Variants in APBA1 observed in about 807,000 individuals in gnomAD.
The protein encoded by APBA1 is amyloid beta precursor protein binding family A member 1.
APBA1 carries 55 observed loss-of-function variants against 86.6 expected under a neutral mutation model. The ratio of observed to expected loss-of-function variants is 0.64; its 90% CI spans 0.51 to 0.80. The LOEUF (loss-of-function observed/expected upper bound fraction) is 0.80. APBA1 is among the 30% of genes least tolerant of loss of function. The pLI is 0.00. For synonymous variants in APBA1, 511 were observed against 493.9 expected (o/e 1.03, Z -0.46); for missense variants, 1,090 against 1,183.0 (o/e 0.92, Z 1.15).
At chr9:69,617,296 T>C (rs1417842723) in intron 1 of APBA1, among the ~76,000 whole-genome samples, 3 of 152,032 alleles carry the variant, frequency 2.0e-5, no homozygotes, top group African/African-American at 4.8e-5. Context: ...TTTTAGAGAG[T>C]ATACCTCTCT....
chr9:69,504,882 G>C (rs1284715521), intron 2 of APBA1, among the ~76,000 whole-genome samples: 2 of 151,988 alleles, frequency 1.3e-5, no homozygotes, highest in African/African-American at 2.4e-5. Flanking sequence ...TTCATGCATT[G>C]GAGAAGGCAT....
At chr9:69,495,323 C>T (rs1187428488) in intron 2 of APBA1, among the ~76,000 whole-genome samples, 1 of 152,098 alleles carries the variant, frequency 6.6e-6, no homozygotes, top group East Asian at 1.9e-4. Flanking sequence ...ATTTTGAAGC[C>T]TAGGATCCAC....
chr9:69,453,110 T>C (rs1326204146), intron 8 of APBA1, among the ~76,000 whole-genome samples: 1 of 152,252 alleles, frequency 6.6e-6, no homozygotes, highest in Admixed American at 6.5e-5. Flanking sequence ...ATACATATTG[T>C]AATATGGTTT....
At chr9:69,451,990 G>A (rs951123511) in intron 9 of APBA1, 132 bp downstream of exon 9, 9 of 844,124 alleles carry the variant, frequency 1.1e-5, no homozygotes, top group South Asian at 6.5e-5. Flanking sequence ...GGGGGTGAAC[G>A]ACTTCATGAT....
chr9:69,484,495 T>C (rs1357940057), intron 2 of APBA1, among the ~76,000 whole-genome samples: 1 of 152,174 alleles, frequency 6.6e-6, no homozygotes, highest in Non-Finnish European at 1.5e-5. Flanking sequence ...TTGAGCTCAT[T>C]CGAGTTTCCT....
chr9:69,443,296 GACT>G (rs1834855617), intron 10 of APBA1, among the ~76,000 whole-genome samples: 1 of 152,204 alleles, frequency 6.6e-6, no homozygotes, highest in African/African-American at 2.4e-5. Flanking sequence ...AACTGTTGTG[GACT>G]ACTACTGCAG....
intron 1 of APBA1, among the ~76,000 whole-genome samples, chr9:69,608,758 T>C (rs2026150): frequency 0.54 from 81,821 of 151,988 alleles, 24,543 homozygotes; most frequent in East Asian, 0.85. Flanking sequence ...TACTGAGAAG[T>C]TGGTTTTGGT....
At chr9:69,436,684 G>T (rs1276782292) in intron 11 of APBA1, among the ~76,000 whole-genome samples, 2 of 151,582 alleles carry the variant, frequency 1.3e-5, no homozygotes, top group African/African-American at 4.9e-5. Context: ...GGCTGAGACA[G>T]TGGGGTTTTC....
rs570568545 is a variant in APBA1, at chr9:69,431,005, G to A, written c.*322C>T. On this transcript the variant is annotated 3_prime_UTR_variant, in exon 13 of 13. Transcript: ENST00000265381. ...AAGTCTGCACCTCCTGGGAAGGGAG[G>A]ATTCTCCCTCAAGCAGTGACAGCCC... 3.7e-6 allele frequency: 1 copy of A among 269,984 alleles called. No homozygotes were observed. The highest frequency in any genetic ancestry group is 2.2e-5 in the African/African-American group (1 of 45,768). The allele number at this position is 269,984 out of a possible 1,614,324, so 16.7% of individuals were successfully genotyped here.
intron 1 of APBA1, among the ~76,000 whole-genome samples, chr9:69,586,719 C>G (rs562181763): frequency 6.6e-6 from 1 of 152,276 alleles, no homozygotes; most frequent in Non-Finnish European, 1.5e-5. Context: ...TCCAGATCAT[C>G]CTCTCCTTGT....
At chr9:69,481,333 G>A (rs1835504172) in intron 2 of APBA1, among the ~76,000 whole-genome samples, 1 of 151,562 alleles carries the variant, frequency 6.6e-6, no homozygotes, top group Admixed American at 6.6e-5. Flanking sequence ...ACCAACAACA[G>A]ACAAACAGCC....
intron 8 of APBA1, among the ~76,000 whole-genome samples, chr9:69,453,936 G>A (rs116317060): frequency 0.023 from 3,551 of 152,298 alleles, 130 homozygotes; most frequent in African/African-American, 0.081. Flanking sequence ...ACAGGATATG[G>A]AGGTTGAGGG....
intron 1 of APBA1, among the ~76,000 whole-genome samples, chr9:69,643,040 A>C (rs994455808): frequency 6.6e-6 from 1 of 151,160 alleles, no homozygotes; most frequent in African/African-American, 2.4e-5. Context: ...ACACACACAC[A>C]CACCCCTCCT....
intron 1 of APBA1, among the ~76,000 whole-genome samples, chr9:69,540,159 A>AACAACAAC (rs1182538464): frequency 2.0e-4 from 17 of 86,474 alleles, no homozygotes; most frequent in East Asian, 1.9e-3. Flanking sequence ...ACAACAACAA[A>AACAACAAC]AGTCACCTTA....
intron 2 of APBA1, among the ~76,000 whole-genome samples, chr9:69,491,176 T>C (rs543123001): frequency 6.6e-6 from 1 of 152,074 alleles, no homozygotes; most frequent in African/African-American, 2.4e-5. Flanking sequence ...TGTGGCACTA[T>C]TCACAATAGC....
At chr9:69,602,810 C>T (rs1266118349) in intron 1 of APBA1, among the ~76,000 whole-genome samples, 1 of 152,006 alleles carries the variant, frequency 6.6e-6, no homozygotes, top group Admixed American at 6.6e-5. Context: ...CTAGTGACTG[C>T]CTACATTTCA....
chr9:69,623,358 C>CT (rs201582881), intron 1 of APBA1, among the ~76,000 whole-genome samples: 8,531 of 147,292 alleles, frequency 0.058, 365 homozygotes, highest in Admixed American at 0.092. Flanking sequence ...TCTTTTTTTT[C>CT]TTTTTTTTTT....
At chr9:69,458,444 C>G (rs1027794826) in intron 5 of APBA1, among the ~76,000 whole-genome samples, 2 of 152,198 alleles carry the variant, frequency 1.3e-5, no homozygotes, top group Admixed American at 1.3e-4. Flanking sequence ...AGTGATCTTT[C>G]CAAATAACCA....
intron 2 of APBA1, among the ~76,000 whole-genome samples, chr9:69,489,425 T>C (rs1299532795): frequency 6.6e-6 from 1 of 152,140 alleles, no homozygotes; most frequent in Non-Finnish European, 1.5e-5. Context: ...GCTAGCCATA[T>C]GTAGAAACCT....
Sources: allele counts gnomAD v4.1 joint callset (sites outside exome capture counted in the v4.1 genomes callset), GRCh38; gene constraint gnomAD v4.1.1; transcripts MANE v1.5; gene names NCBI Gene and HGNC (gene_info 2026-07-23, HGNC 2026-07-21).